Variants in M1AP observed in about 807,000 individuals in gnomAD.
The protein encoded by M1AP is meiosis 1 arrest protein.
A neutral mutation model predicts 51.2 loss-of-function variants in M1AP; 39 were observed. That is an observed-to-expected ratio of 0.76 (90% CI 0.59 to 1.00). The LOEUF is 1.00. Ranked by LOEUF, M1AP falls within the 50% of genes least tolerant of loss-of-function variation. The probability of loss-of-function intolerance (pLI) is 0.00; values close to 1 mark genes in which losing one functional copy is unlikely to be tolerated. For missense variants in M1AP, 545 were observed against 641.2 expected, an observed-to-expected ratio of 0.85 and a Z score of 1.62; for synonymous variants, 251 against 249.2, an observed-to-expected ratio of 1.01 and a Z score of -0.07.
intron 4 of M1AP, among the ~76,000 whole-genome samples, chr2:74,601,119 C>G (rs1021381639): frequency 1.3e-5 from 2 of 151,840 alleles, no homozygotes; most frequent in East Asian, 3.9e-4. Flanking sequence ...TTATAAAGCC[C>G]TATTTTATAA....
At chr2:74,584,466 G>GA (rs553423863) in intron 4 of M1AP, among the ~76,000 whole-genome samples, 1 of 142,098 alleles carries the variant, frequency 7.0e-6, no homozygotes, top group African/African-American at 2.6e-5. Flanking sequence ...AAAAAAAAAA[G>GA]AAAAAGAAAC....
At chr2:74,622,154 T>A (rs138279507) in intron 2 of M1AP, among the ~76,000 whole-genome samples, 78 of 152,216 alleles carry the variant, frequency 5.1e-4, no homozygotes, top group African/African-American at 1.8e-3. Flanking sequence ...AAAAATTCAA[T>A]AAATTTTTAT....
chr2:74,579,400 G>A (rs1679270184), intron 5 of M1AP, among the ~76,000 whole-genome samples: 1 of 152,156 alleles, frequency 6.6e-6, no homozygotes, highest in African/African-American at 2.4e-5. Context: ...GATAGACCTG[G>A]GTTTATTGAC....
chr2:74,562,175 T>C, intron 8 of M1AP, 42 bp downstream of exon 8: 1 of 1,556,486 alleles, frequency 6.4e-7, no homozygotes, highest in Non-Finnish European at 8.7e-7. Flanking sequence ...TCAAACTCCA[T>C]TCGCTTCTAG....
chr2:74,561,097 AAGG>A (rs1558643579), intron 8 of M1AP, among the ~76,000 whole-genome samples: 5 of 38,476 alleles, frequency 1.3e-4, no homozygotes, highest in African/African-American at 3.8e-4. Flanking sequence ...GGAGAAGGAG[AAGG>A]AGGAGGAGGA....
chr2:74,607,333 T>G, intron 3 of M1AP, 110 bp from the exon 4 acceptor site: 1 of 1,088,742 alleles, frequency 9.2e-7, no homozygotes, highest in Non-Finnish European at 1.3e-6. Context: ...TGGTGGTGGC[T>G]ATTATGTTTA....
chr2:74,562,301 C>T lies in M1AP; in HGVS notation c.1197G>A (p.Ala399=), dbSNP rs370086618. ...GCAGCATCAGTTCCCGCGTGGCCAC[C>T]GCCTTTACCAGCAGTGTGAGGGAGT... ...PSHSLTLLVK[A]VATRELMLPS... is the part of the protein sequence containing the mutation. Residue 399 remains alanine, a synonymous_variant, in exon 8 of 11, where the codon GCG becomes GCA. Transcript: ENST00000421985. 239 of 1,614,114 alleles carry T rather than the reference C, an allele frequency of 1.5e-4. No individual in the cohort carries two copies. The highest frequency in any genetic ancestry group is 1.8e-4 in the South Asian group (16 of 91,086).
At chr2:74,623,069 TAAG>T (rs967117448) in intron 2 of M1AP, among the ~76,000 whole-genome samples, 2 of 151,416 alleles carry the variant, frequency 1.3e-5, no homozygotes, top group African/African-American at 4.9e-5. Flanking sequence ...TTAATAATAA[TAAG>T]GTCAGTAATT....
At chr2:74,571,386 G>C (rs868174474) in intron 7 of M1AP, among the ~76,000 whole-genome samples, 1 of 152,164 alleles carries the variant, frequency 6.6e-6, no homozygotes. Flanking sequence ...TGGCTGGAGG[G>C]GAACATTACA....
In M1AP at chr2:74,578,385, C is replaced by T. The variant is rs572007449; in HGVS notation, c.770-1767G>A. On this transcript the variant is annotated intron_variant, in intron 5 of 10. Transcript: ENST00000421985. ...AACTCGTCATTTACATGAGGTATTTCTCCTAATGCTATCCCTCCCCCAAAC... is the reference window on the plus strand; with the variant it reads ...AACTCGTCATTTACATGAGGTATTTTTCCTAATGCTATCCCTCCCCCAAAC... Among the ~76,000 whole-genome samples, 207 of 152,276 alleles carry T rather than the reference C, an allele frequency of 1.4e-3. 1 individual carries two copies. The Middle Eastern group carries it at 0.02, about 15-fold the overall frequency.
At chr2:74,573,415 C>T (rs1471774963) in intron 7 of M1AP, among the ~76,000 whole-genome samples, 8 of 151,962 alleles carry the variant, frequency 5.3e-5, no homozygotes, top group Admixed American at 2.0e-4. Flanking sequence ...TGCAGTGGTG[C>T]GATCTTGGCT....
intron 2 of M1AP, chr2:74,619,070 C>A (rs1681852632): frequency 1.6e-5 from 7 of 437,598 alleles, no homozygotes; most frequent in Non-Finnish European, 3.2e-5. Flanking sequence ...TTTTGTTGAT[C>A]AGTCCATTGC....
At chr2:74,611,578 CAAAAGTTTGTGATTTTGT>C (rs1681348999) in intron 3 of M1AP, among the ~76,000 whole-genome samples, 1 of 151,902 alleles carries the variant, frequency 6.6e-6, no homozygotes, top group Non-Finnish European at 1.5e-5. Context: ...TTAGTCTAGC[CAAAAGTTTGTGATTTTGT>C]TTATCCTTTC....
intron 4 of M1AP, among the ~76,000 whole-genome samples, chr2:74,602,283 T>C (rs1680721472): frequency 6.6e-6 from 1 of 152,148 alleles, no homozygotes; most frequent in Non-Finnish European, 1.5e-5. Flanking sequence ...GGAGTGATAA[T>C]CGTTAGTGAT....
At chr2:74,618,789 T>C in intron 2 of M1AP, 1 of 264,496 alleles carries the variant, frequency 3.8e-6, no homozygotes, top group Non-Finnish European at 7.8e-6. Flanking sequence ...AAAATGCCTC[T>C]GAAAGGCAAG....
chr2:74,567,636 T>C (rs191927382), intron 7 of M1AP, among the ~76,000 whole-genome samples: 2 of 152,390 alleles, frequency 1.3e-5, no homozygotes, highest in African/African-American at 4.8e-5. Flanking sequence ...CACCATGAAG[T>C]GTTAACTTTT....
At chr2:74,621,688 G>T (rs1682049818) in intron 2 of M1AP, among the ~76,000 whole-genome samples, 1 of 151,984 alleles carries the variant, frequency 6.6e-6, no homozygotes. Context: ...AGCTACTCGG[G>T]AGGCTGAGGC....
chr2:74,561,666 C>T (rs938311241), intron 8 of M1AP, among the ~76,000 whole-genome samples: 6 of 152,114 alleles, frequency 3.9e-5, no homozygotes, highest in Admixed American at 2.6e-4. Context: ...AAGTTCTGCT[C>T]TCCCTTGTCT....
intron 4 of M1AP, among the ~76,000 whole-genome samples, chr2:74,601,387 A>G (rs1680665441): frequency 6.6e-6 from 1 of 152,102 alleles, no homozygotes; most frequent in East Asian, 1.9e-4. Flanking sequence ...AAATAATATC[A>G]ATAATAATAT....
Sources: gnomAD v4.1 joint callset for allele counts (sites outside exome capture counted in the v4.1 genomes callset) on GRCh38, gnomAD v4.1.1 for gene constraint, MANE v1.5 for transcripts, NCBI Gene and HGNC (gene_info 2026-07-23, HGNC 2026-07-21) for gene names.